The following MARCHF8 variants were observed in gnomAD, a reference collection of about 807,000 sequenced individuals.
The protein encoded by MARCHF8 is membrane associated ring-CH-type finger 8, also known as E3 ubiquitin-protein ligase MARCHF8.
In MARCHF8, 40 loss-of-function variants were observed where a neutral mutation model predicts 51.6. The observed-to-expected ratio is 0.77, with a 90% CI of 0.60 to 1.01. MARCHF8 has a LOEUF of 1.01. Ranked by LOEUF, MARCHF8 falls within the 50% of genes least tolerant of loss-of-function variation. The pLI is 0.00. For missense variants in MARCHF8, 685 were observed against 708.6 expected, an observed-to-expected ratio of 0.97 and a Z score of 0.38; for synonymous variants, 263 against 280.3, an observed-to-expected ratio of 0.94 and a Z score of 0.62.
intron 1 of MARCHF8, among the ~76,000 whole-genome samples, chr10:45,579,530 A>C (rs2044529538): frequency 1.3e-5 from 2 of 152,200 alleles, no homozygotes; most frequent in Admixed American, 1.3e-4. Flanking sequence ...GAAGTTTTAA[A>C]GGAAAGCAAA....
intron 3 of MARCHF8, among the ~76,000 whole-genome samples, chr10:45,468,827 AAT>A (rs1332535353): frequency 2.6e-5 from 4 of 152,234 alleles, no homozygotes; most frequent in Admixed American, 2.0e-4. Flanking sequence ...TTAATCAAAT[AAT>A]ATGTGTTGGC....
chr10:45,525,650 C>T (rs1438393639), intron 2 of MARCHF8, among the ~76,000 whole-genome samples: 1 of 152,094 alleles, frequency 6.6e-6, no homozygotes, highest in Non-Finnish European at 1.5e-5. Flanking sequence ...AGTGGAGAGA[C>T]CTGATAGTCA....
intron 1 of MARCHF8, among the ~76,000 whole-genome samples, chr10:45,570,994 T>C (rs1364427043): frequency 6.6e-6 from 1 of 152,230 alleles, no homozygotes; most frequent in African/African-American, 2.4e-5. Flanking sequence ...GTCAAGATGT[T>C]GATTCTGCCC....
intron 2 of MARCHF8, among the ~76,000 whole-genome samples, chr10:45,500,253 C>G (rs2043254514): frequency 6.6e-6 from 1 of 152,036 alleles, no homozygotes; most frequent in African/African-American, 2.4e-5. Flanking sequence ...TATAGAAACA[C>G]AGCTGATTTG....
intron 2 of MARCHF8, among the ~76,000 whole-genome samples, chr10:45,500,575 G>A (rs1242715980): frequency 6.6e-6 from 1 of 151,862 alleles, no homozygotes; most frequent in East Asian, 1.9e-4. Flanking sequence ...TTTCATATAT[G>A]GCCTTTATTA....
At chr10:45,475,323 T>C (rs939624369) in intron 3 of MARCHF8, among the ~76,000 whole-genome samples, 2 of 152,222 alleles carry the variant, frequency 1.3e-5, no homozygotes, top group Admixed American at 6.5e-5. Context: ...GTATAGCCAC[T>C]GCTGCCTCCA....
At chr10:45,484,578 T>C (rs1487661071) in intron 3 of MARCHF8, among the ~76,000 whole-genome samples, 2 of 152,220 alleles carry the variant, frequency 1.3e-5, no homozygotes, top group Non-Finnish European at 2.9e-5. Flanking sequence ...TACACACTGC[T>C]ATCATTACAA....
At chr10:45,532,992 T>C (rs1006303186) in intron 2 of MARCHF8, 118 bp downstream of exon 2, 4 of 668,434 alleles carry the variant, frequency 6.0e-6, no homozygotes, top group African/African-American at 1.9e-5. Flanking sequence ...ACTATTTGTG[T>C]GCTTGTCAGT....
chr10:45,466,613 C>T (rs764104877), intron 3 of MARCHF8, among the ~76,000 whole-genome samples: 17 of 152,098 alleles, frequency 1.1e-4, no homozygotes, highest in Non-Finnish European at 2.1e-4. Flanking sequence ...TCACCCTCCT[C>T]CCTTTTATCT....
At chr10:45,491,538 C>A (rs752063921) in intron 2 of MARCHF8, among the ~76,000 whole-genome samples, 11 of 152,064 alleles carry the variant, frequency 7.2e-5, no homozygotes, top group African/African-American at 2.7e-4. Flanking sequence ...AGCAAGACTC[C>A]GTATCAACAA....
intron 1 of MARCHF8, among the ~76,000 whole-genome samples, chr10:45,587,242 T>A (rs1245697001): frequency 6.6e-6 from 1 of 152,138 alleles, no homozygotes; most frequent in African/African-American, 2.4e-5. Context: ...TCAGAAAGGC[T>A]ACAAGACACA....
intron 1 of MARCHF8, among the ~76,000 whole-genome samples, chr10:45,555,491 C>T (rs549522510): frequency 1.3e-5 from 2 of 152,104 alleles, no homozygotes; most frequent in Admixed American, 6.5e-5. Context: ...AATCTCAGTA[C>T]TTTGTGAGGC....
At chr10:45,580,571 A>G (rs2044543674) in intron 1 of MARCHF8, among the ~76,000 whole-genome samples, 1 of 152,178 alleles carries the variant, frequency 6.6e-6, no homozygotes, top group Admixed American at 6.5e-5. Flanking sequence ...CTCCCACCTC[A>G]TTTCATATAT....
At chr10:45,534,966 T>C (rs1308998830) in intron 1 of MARCHF8, among the ~76,000 whole-genome samples, 1 of 152,078 alleles carries the variant, frequency 6.6e-6, no homozygotes, top group Non-Finnish European at 1.5e-5. Context: ...GATCAACACA[T>C]AGAAGAAAAT....
At chr10:45,501,920 A>G (rs1201732649) in intron 2 of MARCHF8, among the ~76,000 whole-genome samples, 3 of 152,174 alleles carry the variant, frequency 2.0e-5, no homozygotes, top group Non-Finnish European at 2.9e-5. Context: ...AAATGAAAGT[A>G]AAATCACAAT....
At chr10:45,570,181 C>A (rs767657171) in intron 1 of MARCHF8, among the ~76,000 whole-genome samples, 5 of 152,046 alleles carry the variant, frequency 3.3e-5, no homozygotes, top group Non-Finnish European at 5.9e-5. Context: ...TTTGCATAAA[C>A]CCATTACCAA....
chr10:45,458,372 T>G lies in MARCHF8; in HGVS notation c.1589A>C (p.Asn530Thr). 6.2e-7 allele frequency: 1 copy of G among 1,614,206 alleles called. No individual in the cohort carries two copies. Among genetic ancestry groups the G allele is most frequent in the South Asian group, 1.1e-5 (1 of 91,084 alleles). Residue 530 changes from asparagine to threonine, a missense_variant, in exon 8 of 8, where the codon AAT becomes ACT. Transcript: ENST00000453424. ...TGTTAGTGGAGATTTTTCAAAAATATTCTTTTTGCTTGTTTCTGGACAGTT... is the reference window on the plus strand; with the variant it reads ...TGTTAGTGGAGATTTTTCAAAAATAGTCTTTTTGCTTGTTTCTGGACAGTT... Reference protein sequence around the residue: ...VQNCPETSKKNIFEKSPLTEP... With the variant: ...VQNCPETSKKTIFEKSPLTEP...
chr10:45,497,546 A>C (rs962023812), intron 2 of MARCHF8, among the ~76,000 whole-genome samples: 1 of 152,200 alleles, frequency 6.6e-6, no homozygotes, highest in Admixed American at 6.5e-5. Flanking sequence ...TAAATGTAAA[A>C]GGACTCAAAT....
rs563855563 is a variant in MARCHF8, at chr10:45,571,595, G to A, written c.-79+22640C>T. 3.3e-5 allele frequency among the ~76,000 whole-genome samples: 5 copies of A among 152,150 alleles called. No homozygotes were observed. In the South Asian group the frequency reaches 6.2e-4, roughly 19 times the overall value. ...ATTTGGTGCCGTGACTCGGATCGGC[G>A]GACCTCCCTTGGGAGATCAATCCCC... On this transcript the variant is annotated intron_variant, in intron 1 of 6. Transcript: ENST00000319836.
Sources: gnomAD v4.1 joint callset for allele counts (sites outside exome capture counted in the v4.1 genomes callset) on GRCh38, gnomAD v4.1.1 for gene constraint, MANE v1.5 for transcripts, NCBI Gene and HGNC (gene_info 2026-07-23, HGNC 2026-07-21) for gene names.